Variants in FMN2 observed in about 807,000 individuals in gnomAD.
FMN2 encodes the protein formin 2.
In FMN2, 51 loss-of-function variants were observed where a neutral mutation model predicts 142.3. The observed-to-expected ratio is 0.36, with a 90% CI of 0.29 to 0.45. The LOEUF (loss-of-function observed/expected upper bound fraction) is 0.45. FMN2 is among the 20% of genes least tolerant of loss of function. The pLI, the probability that FMN2 is intolerant of heterozygous loss-of-function variation, is 1.00. For synonymous variants in FMN2, 882 were observed against 869.8 expected (o/e 1.01, Z -0.25); for missense variants, 1,936 against 2,122.8 (o/e 0.91, Z 1.73).
At chr1:240,243,648 GA>G (rs1294017051) in intron 6 of FMN2, among the ~76,000 whole-genome samples, 1 of 152,084 alleles carries the variant, frequency 6.6e-6, no homozygotes, top group Non-Finnish European at 1.5e-5. Context: ...ATACTTTACC[GA>G]ATTTGTTTAT....
At chr1:240,143,725 G>A (rs1663296387) in intron 2 of FMN2, 1 of 1,558,578 alleles carries the variant, frequency 6.4e-7, no homozygotes, top group Non-Finnish European at 8.8e-7. Context: ...ACGAGCATAA[G>A]AGTCCTTGAG....
At chr1:240,467,277 C>CTTTT (rs35875922) in intron 16 of FMN2, among the ~76,000 whole-genome samples, 6,816 of 140,770 alleles carry the variant, frequency 0.048, 560 homozygotes, top group African/African-American at 0.17. Context: ...TAAATCGTTC[C>CTTTT]TTTTTTTTTT....
At chr1:240,171,013 T>C in intron 2 of FMN2, 3 of 865,394 alleles carry the variant, frequency 3.5e-6, no homozygotes, top group South Asian at 1.3e-5. Flanking sequence ...ACTTGAGGCA[T>C]GTCAGCAGGG....
At chr1:240,108,473 A>G (rs1204912564) in intron 1 of FMN2, among the ~76,000 whole-genome samples, 1 of 152,192 alleles carries the variant, frequency 6.6e-6, no homozygotes, top group South Asian at 2.1e-4. Context: ...CATAAACTTA[A>G]GCAATTATCA....
At chr1:240,352,570 G>C (rs1672129689) in intron 13 of FMN2, among the ~76,000 whole-genome samples, 1 of 152,016 alleles carries the variant, frequency 6.6e-6, no homozygotes, top group Non-Finnish European at 1.5e-5. Flanking sequence ...AACAGAGCAA[G>C]ACTTTGTCTC....
rs565027586 is a variant in FMN2 at position 240,138,499 on chromosome 1, A to C, written c.1782+15154A>C. 2.0e-5 allele frequency among the ~76,000 whole-genome samples: 3 copies of C among 152,180 alleles called. No individual in the cohort carries two copies. The South Asian group carries it at 6.2e-4, about 32-fold the overall frequency. The stretch of plus-strand genomic sequence containing the variant: ...CGGATCACTTAAGGTCAGGAGTTCA[A>C]GACCAGCCTGGCCAAATTGGTGAAA... On this transcript the variant is annotated intron_variant, in intron 2 of 17. Transcript: ENST00000319653.
In FMN2 at chr1:240,094,675, T is replaced by A. The variant is rs957935410; in HGVS notation, c.1615+951T>A. ...ATTAAATGAAATAGAGTGTTAGAAT[T>A]TAATGAATCGAAAAATATGAAAAGT... On this transcript the variant is annotated intron_variant, in intron 1 of 17. Transcript: ENST00000319653. 8.5e-5 allele frequency among the ~76,000 whole-genome samples: 13 copies of A among 152,248 alleles called. No homozygotes were observed. In the East Asian group the frequency reaches 2.5e-3, roughly 29 times the overall value.
At position 240,097,803 on chromosome 1, in the gene FMN2, A is replaced by G. The variant is rs187117838; in HGVS notation, c.1615+4079A>G. ...AAGTGCCAGACTCTGTTGGTGCATTACATAACTATCTGTAATCCTTAACAA... is the reference window on the plus strand; with the variant it reads ...AAGTGCCAGACTCTGTTGGTGCATTGCATAACTATCTGTAATCCTTAACAA... On this transcript the variant is annotated intron_variant, in intron 1 of 17. Transcript: ENST00000319653. Among the ~76,000 whole-genome samples, 29 of 152,320 alleles carry G rather than the reference A, an allele frequency of 1.9e-4. No homozygotes were observed. In the East Asian group the frequency reaches 5.2e-3, roughly 27 times the overall value.
chr1:240,411,021 A>G (rs1674368137), intron 15 of FMN2, among the ~76,000 whole-genome samples: 1 of 151,834 alleles, frequency 6.6e-6, no homozygotes, highest in Non-Finnish European at 1.5e-5. Flanking sequence ...TTAATTTATG[A>G]TAATGGTTGA....
intron 2 of FMN2, among the ~76,000 whole-genome samples, chr1:240,166,897 G>A (rs371832365): frequency 1.9e-4 from 29 of 152,276 alleles, no homozygotes; most frequent in African/African-American, 4.8e-4. Flanking sequence ...CGAGGCAGGC[G>A]GATAACCTGA....
chr1:240,235,242 G>GAC (rs1667663721), intron 6 of FMN2, among the ~76,000 whole-genome samples: 1 of 152,186 alleles, frequency 6.6e-6, no homozygotes, highest in Non-Finnish European at 1.5e-5. Flanking sequence ...TCATATACAA[G>GAC]TTGAGAAAGA....
Position 240,404,239 on chromosome 1 carries a change from G to C in FMN2, c.4910+11677G>C, listed in dbSNP as rs575383482. Among the ~76,000 whole-genome samples, 49 of 152,318 alleles carry C rather than the reference G, an allele frequency of 3.2e-4. 2 individuals carry two copies. Among genetic ancestry groups the C allele is most frequent in the Admixed American group, 2.6e-4 (4 of 15,306 alleles). Reference sequence around the variant, plus strand: ...TATCATGTTTAGTGACTTTTAGAGTGTCAGTTTGTAAAATGTTTATCCAAG... The same window carrying C: ...TATCATGTTTAGTGACTTTTAGAGTCTCAGTTTGTAAAATGTTTATCCAAG... On this transcript the variant is annotated intron_variant, in intron 15 of 17. Transcript: ENST00000319653.
At chr1:240,143,546 G>A in intron 2 of FMN2, 1 of 1,598,700 alleles carries the variant, frequency 6.3e-7, no homozygotes. Context: ...CAAACGTGGA[G>A]CAGCTGCTGC....
chr1:240,385,717 G>T (rs1273167396), intron 14 of FMN2, among the ~76,000 whole-genome samples: 1 of 152,142 alleles, frequency 6.6e-6, no homozygotes, highest in African/African-American at 2.4e-5. Flanking sequence ...CGTACATCAG[G>T]CTGGGTGATA....
At chr1:240,420,193 TGGCCTCTGGGTGG>T (rs1394712903) in intron 15 of FMN2, among the ~76,000 whole-genome samples, 1 of 152,172 alleles carries the variant, frequency 6.6e-6, no homozygotes, top group South Asian at 2.1e-4. Flanking sequence ...GCATTCTTTA[TGGCCTCTGGGTGG>T]GGCCTCTGGG....
intron 7 of FMN2, among the ~76,000 whole-genome samples, chr1:240,270,122 A>G (rs918825046): frequency 6.6e-6 from 1 of 152,096 alleles, no homozygotes; most frequent in African/African-American, 2.4e-5. Context: ...CTTAGAAGAA[A>G]AGCTTTCAAC....
chr1:240,167,771 C>T (rs918454184), intron 2 of FMN2, among the ~76,000 whole-genome samples: 11 of 152,120 alleles, frequency 7.2e-5, no homozygotes, highest in African/African-American at 1.9e-4. Context: ...CTACATAAAA[C>T]ATTCAAAGAA....
chr1:240,144,156 A>G, intron 2 of FMN2: 1 of 1,387,078 alleles, frequency 7.2e-7, no homozygotes. Context: ...AGCTGCACTC[A>G]ACATTCCGTG....
chr1:240,162,413 G>A (rs1298007131), intron 2 of FMN2, among the ~76,000 whole-genome samples: 1 of 151,994 alleles, frequency 6.6e-6, no homozygotes, highest in Non-Finnish European at 1.5e-5. Flanking sequence ...GCTGTGAACC[G>A]AGATCGCACC....
Sources: gnomAD v4.1 joint callset for allele counts (sites outside exome capture counted in the v4.1 genomes callset) on GRCh38, gnomAD v4.1.1 for gene constraint, MANE v1.5 for transcripts, NCBI Gene and HGNC (gene_info 2026-07-23, HGNC 2026-07-21) for gene names.